The following PAXIP1 variants were observed in gnomAD, a reference collection of about 807,000 sequenced individuals.
The protein encoded by PAXIP1 is PAX interacting protein 1.
Under a neutral mutation model 140.6 loss-of-function variants are expected in PAXIP1, and 19 were observed. The observed-to-expected ratio is 0.14, with a 90% CI of 0.09 to 0.20. PAXIP1 has a LOEUF of 0.20. Ranked by LOEUF, PAXIP1 falls within the 10% of genes least tolerant of loss-of-function variation. PAXIP1 has a pLI of 1.00. For missense variants in PAXIP1, 920 were observed against 1,208.6 expected, an observed-to-expected ratio of 0.76 and a Z score of 3.54; for synonymous variants, 442 against 444.6, an observed-to-expected ratio of 0.99 and a Z score of 0.07.
intron 4 of PAXIP1, among the ~76,000 whole-genome samples, chr7:154,990,692 T>C (rs1028259377): frequency 5.3e-5 from 8 of 152,230 alleles, no homozygotes; most frequent in Non-Finnish European, 1.2e-4. Context: ...CCTTTATTTA[T>C]TAAGAAAATT....
chr7:154,971,309 G>A (rs546932798), intron 6 of PAXIP1, among the ~76,000 whole-genome samples: 1 of 152,188 alleles, frequency 6.6e-6, no homozygotes, highest in Non-Finnish European at 1.5e-5. Flanking sequence ...TTTCTACTAC[G>A]GGCTTGAGTT....
At chr7:154,974,066 T>G (rs1294201843) in intron 6 of PAXIP1, 1 of 152,498 alleles carries the variant, frequency 6.6e-6, no homozygotes, top group Non-Finnish European at 1.5e-5. Context: ...CCTTGTTTTC[T>G]CTGGTTCCAC....
intron 7 of PAXIP1, 121 bp downstream of exon 7, chr7:154,968,282 C>T (rs1253738471): frequency 8.2e-5 from 64 of 783,786 alleles, no homozygotes; most frequent in East Asian, 2.7e-5. Context: ...ATGAGACTCA[C>T]ACTCTCCATT....
In PAXIP1 at chr7:154,987,242, T is replaced by C. The variant is rs981965132; in HGVS notation, c.324+3764A>G. Among the ~76,000 whole-genome samples the C allele has an allele frequency of 4.6e-5, 7 of 152,290 alleles. No individual in the cohort carries two copies. The South Asian group carries it at 1.2e-3, about 27-fold the overall frequency. ...GATACTCCTGTATCACTTTCTATCA[T>C]CCTTTTCCTCCTCTTCCTGGGTCAC... On this transcript the variant is annotated intron_variant, in intron 4 of 20. Transcript: ENST00000404141.
At position 154,975,982 on chromosome 7, in the gene PAXIP1, T is replaced by C. The variant is rs371953724; in HGVS notation, c.788A>G (p.Asn263Ser). The C allele has an allele frequency of 2.0e-5, 32 of 1,613,646 alleles. No homozygotes were observed. The highest frequency in any genetic ancestry group is 2.7e-5 in the Non-Finnish European group (32 of 1,179,786). Residue 263 changes from asparagine to serine, a missense_variant, in exon 6 of 21, where the codon AAT becomes AGT. Coordinates refer to ENST00000404141, the MANE Select transcript of PAXIP1 (RefSeq NM_007349.4). ...SDSSPEKQER[N>S]LNWTPAEVPQ... ...GACTTCGGCCGGGGTCCAGTTTAAA[T>C]TTCTCTCCTGTTTTTCCGGTGATGA...
In PAXIP1 at chr7:154,963,179, CTTTT is replaced by C. The variant is rs1260491819; in HGVS notation, c.1989+488_1989+491del. 2.0e-5 allele frequency among the ~76,000 whole-genome samples: 3 copies of C among 151,544 alleles called. No individual in the cohort carries two copies. Among genetic ancestry groups the C allele is most frequent in the South Asian group, 4.2e-4 (2 of 4,780 alleles). On this transcript the variant is annotated intron_variant, in intron 9 of 20. Coordinates refer to ENST00000404141, the MANE Select transcript of PAXIP1 (RefSeq NM_007349.4). The surrounding 1 kb of genome is among the most constrained non-coding windows in gnomAD (Gnocchi z 4.1). ...TGCAGGGAGTGTCCGCCCTTTCTTT[CTTTT>C]ATTTTTTTTTGAGATGGAGTCTCGC... is the stretch of plus-strand genomic sequence containing the variant.
intron 3 of PAXIP1, among the ~76,000 whole-genome samples, chr7:154,992,409 T>C (rs1003160554): frequency 1.3e-5 from 2 of 152,006 alleles, no homozygotes; most frequent in African/African-American, 4.8e-5. Flanking sequence ...TAGCTGGGCG[T>C]GGTGGCGCAT....
rs368900156 is a variant in PAXIP1, at chr7:154,962,376, C to T, written c.2072G>A (p.Arg691Gln). 5.0e-6 allele frequency: 8 copies of T among 1,613,798 alleles called. No homozygotes were observed. Among genetic ancestry groups the T allele is most frequent in the South Asian group, 1.1e-5 (1 of 91,080 alleles). Reference protein sequence around the residue: ...LKKKKMVPPHRALHFPVAFPP... With the variant: ...LKKKKMVPPHQALHFPVAFPP... ...GAAGGCCACTGGGAAGTGAAGGGCT[C>T]GGTGCGGCGGTACCATTTTCTTCTT... is the stretch of plus-strand genomic sequence containing the variant. Residue 691 changes from arginine (R) to glutamine (Q), a missense_variant, in exon 10 of 21, where the codon CGA becomes CAA. Around this residue, in one of 5 missense-constraint regions of PAXIP1, gnomAD observed 303 missense variants for 517.9 expected, o/e 0.59. Coordinates refer to ENST00000404141, the MANE Select transcript of PAXIP1 (RefSeq NM_007349.4).
In PAXIP1 at chr7:154,986,187, G is replaced by T; in HGVS notation, c.325-2855C>A. On this transcript the variant is annotated intron_variant, in intron 4 of 20. Transcript: ENST00000404141. The surrounding 1 kb of genome is among the most constrained non-coding windows in gnomAD (Gnocchi z 4.8). The stretch of plus-strand genomic sequence containing the variant: ...CCAGCTTGTATCAACACCCTGACGG[G>T]GAAAAGACAGAAGGTCACTGAGAAC... The T allele has an allele frequency of 7.4e-7, 1 of 1,357,028 alleles. No homozygotes were observed. The allele number at this position is 1,357,028 out of a possible 1,614,324, so 84.1% of individuals were successfully genotyped here. A position where few individuals can be genotyped will look rare whatever the true frequency, so the allele number is the denominator to read the frequency against.
chr7:154,983,185 C>A (rs1317199749), intron 5 of PAXIP1, 34 bp downstream of exon 5: 1 of 1,033,718 alleles, frequency 9.7e-7, no homozygotes, highest in East Asian at 2.5e-5. Flanking sequence ...TCTTAAATGA[C>A]ATACAAAAAG....
rs751883990 is a variant in PAXIP1 at position 154,961,512 on chromosome 7, C to T, written c.2249+15G>A. ...GTAAATTTATGATTAAAAACAGTTT[C>T]GAAAATTTGCTTACTCTTTACAGAT... On this transcript the variant is annotated intron_variant, in intron 11 of 20. Coordinates refer to ENST00000404141, the MANE Select transcript of PAXIP1 (RefSeq NM_007349.4). 101 of 1,568,196 alleles carry T rather than the reference C, an allele frequency of 6.4e-5. No individual in the cohort carries two copies. Among genetic ancestry groups the T allele is most frequent in the Middle Eastern group, 1.7e-4 (1 of 5,932 alleles).
intron 5 of PAXIP1, among the ~76,000 whole-genome samples, chr7:154,976,771 A>T (rs1809601768): frequency 6.6e-6 from 1 of 152,204 alleles, no homozygotes; most frequent in Non-Finnish European, 1.5e-5. Context: ...ACACTCATGG[A>T]GCATGGCTGA....
intron 20 of PAXIP1, chr7:154,945,507 C>T: frequency 2.0e-6 from 2 of 985,370 alleles, no homozygotes; most frequent in Non-Finnish European, 2.4e-6. Context: ...ATTCTGACCT[C>T]TGCGCCTTAC....
chr7:154,968,455 T>C lies in PAXIP1; in HGVS notation c.1746A>G (p.Pro582=). ...GCTGATGCTGCTGAGGCGATGGTGG[T>C]GGCTGCTGTTGCTGCTGCTGCTGCG... is the stretch of plus-strand genomic sequence containing the variant. ...QPPQQQQQQQ[P]PPSPQQHQLF... The change falls in exon 7 of 21, where the codon CCA becomes CCG. Residue 582 remains proline (P), a synonymous_variant. Coordinates refer to ENST00000404141, the MANE Select transcript of PAXIP1 (RefSeq NM_007349.4). 1 of 1,479,220 alleles carries C rather than the reference T, an allele frequency of 6.8e-7. No individual in the cohort carries two copies. The highest frequency in any genetic ancestry group is 9.3e-7 in the Non-Finnish European group (1 of 1,080,882). The allele number at this position is 1,479,220 out of a possible 1,614,324, so 91.6% of individuals were successfully genotyped here. A position where few individuals can be genotyped will look rare whatever the true frequency, so the allele number is the denominator to read the frequency against.
At chr7:155,001,831 C>T (rs1389048752) in intron 1 of PAXIP1, 1 of 152,168 alleles carries the variant, frequency 6.6e-6, no homozygotes, top group African/African-American at 2.4e-5. Context: ...AAAAAGGGTC[C>T]AAAAAGTTGT....
chr7:154,975,156 C>CAAAA (rs61595965), intron 6 of PAXIP1, among the ~76,000 whole-genome samples: 3 of 106,898 alleles, frequency 2.8e-5, no homozygotes, highest in African/African-American at 7.3e-5. Flanking sequence ...GACTCCATCT[C>CAAAA]AAAAAAAAAA....
At chr7:155,001,074 T>G (rs1810865752) in intron 1 of PAXIP1, 1 of 152,232 alleles carries the variant, frequency 6.6e-6, no homozygotes, top group Non-Finnish European at 1.5e-5. Context: ...TGCCTCATAT[T>G]AGATGGTCAA....
intron 5 of PAXIP1, 61 bp from the exon 6 acceptor site, chr7:154,976,392 A>G: frequency 1.3e-6 from 2 of 1,511,988 alleles, no homozygotes; most frequent in Non-Finnish European, 1.8e-6. Flanking sequence ...ATTTCCTACA[A>G]TTACGCATTT....
chr7:154,962,151 A>G (rs547656324), intron 10 of PAXIP1, among the ~76,000 whole-genome samples, 170 bp downstream of exon 10: 9 of 152,370 alleles, frequency 5.9e-5, no homozygotes, highest in African/African-American at 1.4e-4. Context: ...CACAGAACTA[A>G]AAGAAAACAC....
Sources: gnomAD v4.1 joint callset for allele counts (sites outside exome capture counted in the v4.1 genomes callset) on GRCh38, gnomAD v4.1.1 for gene constraint, gnomAD v4.1.1 regional missense constraint, Gnocchi (gnomAD v3.1) non-coding constraint, MANE v1.5 for transcripts, NCBI Gene and HGNC (gene_info 2026-07-23, HGNC 2026-07-21) for gene names.